The following ATP8A2 variants were observed in gnomAD, a reference collection of about 807,000 sequenced individuals.
ATP8A2 encodes the protein phospholipid-transporting ATPase IB.
In ATP8A2, 100 loss-of-function variants were observed where a neutral mutation model predicts 165.6. That is an observed-to-expected ratio of 0.60 (90% confidence interval 0.51 to 0.71). The LOEUF is 0.71. Among genes scored for constraint, ATP8A2 ranks in the 30% least tolerant of loss-of-function variants. The pLI is 0.00. For synonymous variants in ATP8A2, 543 were observed against 548.8 expected (o/e 0.99, Z 0.15); for missense variants, 1,227 against 1,479.5 (o/e 0.83, Z 2.80).
chr13:25,957,558 C>T (rs1955555527), intron 33 of ATP8A2, among the ~76,000 whole-genome samples: 1 of 152,160 alleles, frequency 6.6e-6, no homozygotes, highest in African/African-American at 2.4e-5. Flanking sequence ...GTCAAAACCA[C>T]CATGAGATAC....
intron 24 of ATP8A2, among the ~76,000 whole-genome samples, chr13:25,629,018 T>G (rs1350078304): frequency 2.0e-5 from 3 of 152,194 alleles, no homozygotes; most frequent in Non-Finnish European, 2.9e-5. Context: ...GCATAATTGG[T>G]CACCTATGAG....
At chr13:25,829,962 C>A (rs1346099393) in intron 28 of ATP8A2, among the ~76,000 whole-genome samples, 1 of 151,056 alleles carries the variant, frequency 6.6e-6, no homozygotes. Context: ...TTCCTGAGCC[C>A]CACCCCAGAT....
intron 24 of ATP8A2, among the ~76,000 whole-genome samples, chr13:25,674,188 C>T (rs1024563240): frequency 6.6e-6 from 1 of 152,156 alleles, no homozygotes; most frequent in Non-Finnish European, 1.5e-5. Flanking sequence ...CCAACCTCTG[C>T]CCCTGTTTAG....
chr13:25,475,805 G>A (rs1170569074), intron 2 of ATP8A2, among the ~76,000 whole-genome samples: 4 of 152,198 alleles, frequency 2.6e-5, no homozygotes, highest in Non-Finnish European at 5.9e-5. Flanking sequence ...TTGGTGGCAT[G>A]TGTGTCTTCT....
intron 18 of ATP8A2, 101 bp downstream of exon 18, chr13:25,571,793 T>C: frequency 9.3e-7 from 1 of 1,076,984 alleles, no homozygotes; most frequent in Non-Finnish European, 1.4e-6. Context: ...AAATTTCTCT[T>C]TCAGTGAAAA....
intron 33 of ATP8A2, among the ~76,000 whole-genome samples, chr13:25,878,296 G>T (rs1428794374): frequency 1.3e-5 from 2 of 152,096 alleles, no homozygotes; most frequent in African/African-American, 4.8e-5. Flanking sequence ...AGATCATTTT[G>T]AGTAATTCCA....
chr13:25,682,269 T>G (rs2137812269), intron 24 of ATP8A2, among the ~76,000 whole-genome samples: 1 of 152,242 alleles, frequency 6.6e-6, no homozygotes, highest in Middle Eastern at 3.4e-3. Flanking sequence ...GTTTCCCTGT[T>G]AATCGGATCG....
chr13:25,900,321 T>G (rs1394161268), intron 33 of ATP8A2, among the ~76,000 whole-genome samples: 1 of 151,672 alleles, frequency 6.6e-6, no homozygotes, highest in Non-Finnish European at 1.5e-5. Flanking sequence ...TGAGGTGGAG[T>G]TTTCAGCCCT....
At chr13:25,461,158 G>A (rs540090175) in intron 1 of ATP8A2, among the ~76,000 whole-genome samples, 22 of 152,316 alleles carry the variant, frequency 1.4e-4, no homozygotes, top group African/African-American at 4.3e-4. Flanking sequence ...CATCAGTGTC[G>A]CTTTCCCTTT....
chr13:25,648,149 C>T (rs184450385), intron 24 of ATP8A2, among the ~76,000 whole-genome samples: 2 of 152,030 alleles, frequency 1.3e-5, no homozygotes, highest in South Asian at 2.1e-4. Context: ...TTTCAAAGTT[C>T]TGTCTTTAAG....
At chr13:25,407,577 G>A (rs1412602464) in intron 1 of ATP8A2, among the ~76,000 whole-genome samples, 5 of 152,186 alleles carry the variant, frequency 3.3e-5, no homozygotes, top group Non-Finnish European at 7.3e-5. Context: ...CCATATTGAG[G>A]CCTAGGGAAG....
chr13:25,597,946 A>ATATG (rs1349866801), intron 24 of ATP8A2, among the ~76,000 whole-genome samples: 1 of 151,430 alleles, frequency 6.6e-6, no homozygotes, highest in Admixed American at 6.6e-5. Flanking sequence ...TCTCTAAGAG[A>ATATG]TATGTACTTA....
chr13:25,733,955 G>C (rs933728451), intron 25 of ATP8A2, among the ~76,000 whole-genome samples: 7 of 152,138 alleles, frequency 4.6e-5, no homozygotes, highest in Non-Finnish European at 1.0e-4. Context: ...TTTGATTTTT[G>C]TTCGTTGGCG....
intron 24 of ATP8A2, among the ~76,000 whole-genome samples, chr13:25,662,387 G>A (rs1168743152): frequency 2.0e-5 from 3 of 152,168 alleles, no homozygotes; most frequent in African/African-American, 7.2e-5. Flanking sequence ...GGCTTAGCAT[G>A]TGGTTGATTT....
intron 1 of ATP8A2, among the ~76,000 whole-genome samples, chr13:25,434,612 G>T (rs1471130144): frequency 2.0e-5 from 3 of 152,136 alleles, no homozygotes; most frequent in Non-Finnish European, 2.9e-5. Context: ...GCCTTCCAAA[G>T]TGCTGGGATT....
intron 28 of ATP8A2, among the ~76,000 whole-genome samples, chr13:25,830,300 G>A (rs184110571): frequency 9.2e-5 from 14 of 152,144 alleles, no homozygotes; most frequent in East Asian, 1.9e-4. Flanking sequence ...GTCATGAGCC[G>A]CAAACTTTTC....
intron 33 of ATP8A2, among the ~76,000 whole-genome samples, chr13:25,873,252 T>A (rs1952726725): frequency 6.6e-6 from 1 of 152,234 alleles, no homozygotes; most frequent in African/African-American, 2.4e-5. Context: ...TGGGGACAAC[T>A]GAGCTCTTAA....
chr13:25,820,845 G>A (rs1357731569), intron 27 of ATP8A2, among the ~76,000 whole-genome samples: 3 of 152,096 alleles, frequency 2.0e-5, no homozygotes, highest in Admixed American at 6.5e-5. Flanking sequence ...TTGCCAAAAT[G>A]AAATCAAATT....
At chr13:25,719,251 G>T (rs3117858) in intron 25 of ATP8A2, among the ~76,000 whole-genome samples, 2 of 152,054 alleles carry the variant, frequency 1.3e-5, no homozygotes, top group African/African-American at 2.4e-5. Flanking sequence ...CTCCTTTGGG[G>T]ATTGCTTGTT....
Sources: gnomAD v4.1 joint callset for allele counts (sites outside exome capture counted in the v4.1 genomes callset) on GRCh38, gnomAD v4.1.1 for gene constraint, MANE v1.5 for transcripts, NCBI Gene and HGNC (gene_info 2026-07-23, HGNC 2026-07-21) for gene names.